Variants in SDE2 observed in about 807,000 individuals in gnomAD.
SDE2 encodes the protein splicing regulator SDE2.
Under a neutral mutation model 46.9 loss-of-function variants are expected in SDE2, and 31 were observed. The observed-to-expected ratio is 0.66, with a 90% confidence interval of 0.50 to 0.89. The LOEUF (loss-of-function observed/expected upper bound fraction) is 0.89, where lower values mean the gene tolerates loss of function less well. SDE2 is among the 40% of genes least tolerant of loss of function. The pLI, the probability that SDE2 is intolerant of heterozygous loss-of-function variation, is 0.00. For missense variants in SDE2, 542 were observed against 564.4 expected (o/e 0.96, Z 0.40); for synonymous variants, 205 against 204.3 (o/e 1.00, Z -0.03).
At position 225,984,943 on chromosome 1, in the gene SDE2, T is replaced by G. The variant is rs1235496654; in HGVS notation, c.*359A>C. ...TTATCAACACAGCTCCTAAAGACAT[T>G]AAAAGGGTAAGAAGGGACCATTATA... On this transcript the variant is annotated 3_prime_UTR_variant, in exon 7 of 7. Coordinates refer to ENST00000272091, the MANE Select transcript of SDE2 (RefSeq NM_152608.4). 4.8e-6 allele frequency: 1 copy of G among 209,596 alleles called. No homozygotes were observed. Among genetic ancestry groups the G allele is most frequent in the East Asian group, 1.3e-4 (1 of 7,498 alleles). 13.0% of individuals were successfully genotyped at this position (209,596 alleles called of 1,614,324 possible).
At position 225,983,593 on chromosome 1, in the gene SDE2, G is replaced by A. The variant is rs1656203387; in HGVS notation, c.*1709C>T. ...CATGGTCTCACTATACATTGCCCAG[G>A]CTGGTCTCGAAATGATCCTCCCACC... On this transcript the variant is annotated 3_prime_UTR_variant, in exon 7 of 7. Transcript: ENST00000272091. 1 of 152,014 alleles carries A rather than the reference G, an allele frequency of 6.6e-6. No individual in the cohort carries two copies. Among genetic ancestry groups the A allele is most frequent in the Non-Finnish European group, 1.5e-5 (1 of 68,008 alleles). The allele number at this position is 152,014 out of a possible 1,614,324, so 9.4% of individuals were successfully genotyped here.
chr1:225,993,747 C>T (rs1379193352), intron 2 of SDE2, among the ~76,000 whole-genome samples: 1 of 152,108 alleles, frequency 6.6e-6, no homozygotes, highest in Non-Finnish European at 1.5e-5. Context: ...GCTGATATAA[C>T]ATGCTTCATT....
In SDE2 at chr1:225,985,232, C is replaced by G; in HGVS notation, c.*70G>C. 8.3e-7 allele frequency: 1 copy of G among 1,205,288 alleles called. No homozygotes were observed. The highest frequency in any genetic ancestry group is 1.2e-6 in the Non-Finnish European group (1 of 811,982). 74.7% of individuals were successfully genotyped at this position (1,205,288 alleles called of 1,614,324 possible). ...TTTTAATATCAACAGGAATACTGGT[C>G]AAGAGTCCACATTATGCAGGTTGTA... On this transcript the variant is annotated 3_prime_UTR_variant, in exon 7 of 7. Coordinates refer to ENST00000272091, the MANE Select transcript of SDE2 (RefSeq NM_152608.4).
At chr1:225,986,831 T>G (rs1036250037) in intron 6 of SDE2, among the ~76,000 whole-genome samples, 5 of 152,210 alleles carry the variant, frequency 3.3e-5, no homozygotes, top group Non-Finnish European at 7.3e-5. Flanking sequence ...AAAGGGCAAT[T>G]TATGCATTTT....
chr1:225,983,778 C>T lies in SDE2; in HGVS notation c.*1524G>A, dbSNP rs1354046489. On this transcript the variant is annotated 3_prime_UTR_variant, in exon 7 of 7. Transcript: ENST00000272091. ...CAACATATTGGGTCATAAAACGAGT[C>T]TCAATAAAACTAAGAGGATTGAAAT... The T allele has an allele frequency of 2.0e-5, 3 of 152,008 alleles. No homozygotes were observed. Among genetic ancestry groups the T allele is most frequent in the Admixed American group, 2.0e-4 (3 of 15,242 alleles). The allele number at this position is 152,008 out of a possible 1,614,324, so 9.4% of individuals were successfully genotyped here. A position where few individuals can be genotyped will look rare whatever the true frequency, so the allele number is the denominator to read the frequency against.
At position 225,983,963 on chromosome 1, in the gene SDE2, G is replaced by A. The variant is rs2102699815; in HGVS notation, c.*1339C>T. On this transcript the variant is annotated 3_prime_UTR_variant, in exon 7 of 7. Coordinates refer to ENST00000272091, the MANE Select transcript of SDE2 (RefSeq NM_152608.4). ...GAGGGAGGAAATTAGAAAATAATCA[G>A]AGGCTGGGCATGGTGGCTCACACCT... The A allele has an allele frequency of 6.6e-6, 1 of 152,262 alleles. No homozygotes were observed. The highest frequency in any genetic ancestry group is 1.9e-4 in the East Asian group (1 of 5,158). The allele number at this position is 152,262 out of a possible 1,614,324, so 9.4% of individuals were successfully genotyped here. A position where few individuals can be genotyped will look rare whatever the true frequency, so the allele number is the denominator to read the frequency against.
rs1348818338 is a variant in SDE2, at chr1:225,992,889, AC to A, written c.350+1del. On this transcript the variant is annotated splice_donor_variant, in intron 3 of 6. Transcript: ENST00000272091. LOFTEE classifies it high-confidence loss of function. The stretch of plus-strand genomic sequence containing the variant: ...AAACACAAAAAAAGGTGGGCATCTT[AC>A]GCTTTTTCATGATTGACATCGCGTA... The A allele has an allele frequency of 1.3e-6, 2 of 1,577,886 alleles. No individual in the cohort carries two copies. Among genetic ancestry groups the A allele is most frequent in the African/African-American group, 2.7e-5 (2 of 74,178 alleles).
chr1:225,993,110 TCTTTC>T, intron 2 of SDE2, 108 bp from the exon 3 acceptor site: 1 of 242,444 alleles, frequency 4.1e-6, no homozygotes, highest in South Asian at 5.7e-5. Context: ...ATCTCTACTT[TCTTTC>T]TTTTTTTTTT....
Position 225,984,688 on chromosome 1 carries a change from T to C in SDE2, c.*614A>G, listed in dbSNP as rs150033284. 4.3e-3 allele frequency: 661 copies of C among 152,364 alleles called. 20 individuals carry two copies. The East Asian group carries it at 0.064, about 15-fold the overall frequency. The allele number at this position is 152,364 out of a possible 1,614,324, so 9.4% of individuals were successfully genotyped here. On this transcript the variant is annotated 3_prime_UTR_variant, in exon 7 of 7. Coordinates refer to ENST00000272091, the MANE Select transcript of SDE2 (RefSeq NM_152608.4). ...AGCCGGGCGTGGTGGTGGGAGCCTG[T>C]AGTCCCAGCTACTGGGGAGGCTGAG... is the stretch of plus-strand genomic sequence containing the variant.
At position 225,982,833 on chromosome 1, in the gene SDE2, C is replaced by G. The variant is rs547664704; in HGVS notation, c.*2469G>C. 3 of 152,042 alleles carry G rather than the reference C, an allele frequency of 2.0e-5. No individual in the cohort carries two copies. In the South Asian group the frequency reaches 6.2e-4, roughly 32 times the overall value. The allele number at this position is 152,042 out of a possible 1,614,324, so 9.4% of individuals were successfully genotyped here. ...AAATATGTAGATTTAATATGTATGA[C>G]AACTACAGCATAAAAGACAGGTATG... On this transcript the variant is annotated 3_prime_UTR_variant, in exon 7 of 7. Coordinates refer to ENST00000272091, the MANE Select transcript of SDE2 (RefSeq NM_152608.4).
At chr1:225,997,068 A>T (rs190184004) in intron 1 of SDE2, among the ~76,000 whole-genome samples, 1 of 152,242 alleles carries the variant, frequency 6.6e-6, no homozygotes, top group African/African-American at 2.4e-5. Context: ...TGAATAAGAA[A>T]GCAGCAGACC....
chr1:225,998,578 G>A (rs536882024), intron 1 of SDE2, among the ~76,000 whole-genome samples: 1 of 152,330 alleles, frequency 6.6e-6, no homozygotes, highest in African/African-American at 2.4e-5. Flanking sequence ...GTGTAACTCT[G>A]GAAGTCCCTG....
At chr1:225,992,158 C>A (rs940019853) in intron 4 of SDE2, among the ~76,000 whole-genome samples, 1 of 151,738 alleles carries the variant, frequency 6.6e-6, no homozygotes, top group African/African-American at 2.4e-5. Context: ...CAGCTCTGGG[C>A]AACAGACCAA....
At chr1:225,986,335 TAA>T (rs937266609) in intron 6 of SDE2, among the ~76,000 whole-genome samples, 60 of 136,226 alleles carry the variant, frequency 4.4e-4, no homozygotes, top group Admixed American at 4.5e-4. Context: ...ACTCTGTCAT[TAA>T]AAAAAAAAAA....
Position 225,987,975 on chromosome 1 carries a change from T to C in SDE2, c.1055A>G (p.Glu352Gly), listed in dbSNP as rs1047570445. The change falls in exon 6 of 7, where the codon GAA becomes GGA. Residue 352 changes from glutamate to glycine, a missense_variant. Glu to Gly is a moderately conservative substitution (Grantham distance 98). Transcript: ENST00000272091. The part of the protein sequence containing the change: ...DKETEERTDG[E>G]RVAEVAPEER... ...TTCAGGTGCTACCTCAGCAACTCTT[T>C]CCCCATCAGTCCTTTCTTCTGTCTC... 2.5e-6 allele frequency: 4 copies of C among 1,614,050 alleles called. No homozygotes were observed. The African/African-American group carries it at 4.0e-5, about 16-fold the overall frequency.
At position 225,988,161 on chromosome 1, in the gene SDE2, C is replaced by T; in HGVS notation, c.869G>A (p.Gly290Glu). The T allele has an allele frequency of 5.0e-6, 8 of 1,614,150 alleles. No homozygotes were observed. Among genetic ancestry groups the T allele is most frequent in the Non-Finnish European group, 6.8e-6 (8 of 1,180,030 alleles). Reference sequence around the variant, plus strand: ...ACATGAGTCTTCTAAAATATGCCTCCCAGAGTCAGTCACCGGGATCTGCAG... The same window carrying T: ...ACATGAGTCTTCTAAAATATGCCTCTCAGAGTCAGTCACCGGGATCTGCAG... ...EQLQIPVTDS[G>E]RHILEDSCAE... The change falls in exon 6 of 7, where the codon GGG (glycine) becomes GAG (glutamate). Residue 290 changes from glycine to glutamate, a missense_variant. Gly to Glu is a moderately conservative substitution (Grantham distance 98). Coordinates refer to ENST00000272091, the MANE Select transcript of SDE2 (RefSeq NM_152608.4).
rs1656192140 is a variant in SDE2, at chr1:225,983,224, T to C, written c.*2078A>G. The C allele has an allele frequency of 6.6e-6, 1 of 152,220 alleles. No individual in the cohort carries two copies. The highest frequency in any genetic ancestry group is 2.4e-5 in the African/African-American group (1 of 41,466). 9.4% of individuals were successfully genotyped at this position (152,220 alleles called of 1,614,324 possible). A position where few individuals can be genotyped will look rare whatever the true frequency, so the allele number is the denominator to read the frequency against. Reference sequence around the variant, plus strand: ...AGAAAGAGGTATACTGTGCAAACACTAAGCTTAAGAAGGCTGCAGTGGCTA... The same window carrying C: ...AGAAAGAGGTATACTGTGCAAACACCAAGCTTAAGAAGGCTGCAGTGGCTA... On this transcript the variant is annotated 3_prime_UTR_variant, in exon 7 of 7. Coordinates refer to ENST00000272091, the MANE Select transcript of SDE2 (RefSeq NM_152608.4).
intron 2 of SDE2, among the ~76,000 whole-genome samples, chr1:225,994,748 T>A (rs1656483234): frequency 6.6e-6 from 1 of 152,166 alleles, no homozygotes; most frequent in Non-Finnish European, 1.5e-5. Context: ...CATCTAATTT[T>A]CCCCCAAAGT....
In SDE2 at chr1:225,999,280, G is replaced by A. The variant is rs1656601475; in HGVS notation, c.33C>T (p.Arg11=). The change falls in exon 1 of 7, where the codon CGC becomes CGT. Residue 11 remains arginine (R), a synonymous_variant. Coordinates refer to ENST00000272091, the MANE Select transcript of SDE2 (RefSeq NM_152608.4). MAEAAALVWI[R]GPGFGCKAVR... ...CCGCCTTGCACCCGAAGCCAGGGCC[G>A]CGAATCCACACCAGCGCCGCGGCCT... 3 of 1,612,052 alleles carry A rather than the reference G, an allele frequency of 1.9e-6. No individual in the cohort carries two copies. The highest frequency in any genetic ancestry group is 3.3e-5 in the Admixed American group (2 of 59,798).
Sources: gnomAD v4.1 joint callset for allele counts (sites outside exome capture counted in the v4.1 genomes callset) on GRCh38, gnomAD v4.1.1 for gene constraint, MANE v1.5 for transcripts, NCBI Gene and HGNC (gene_info 2026-07-23, HGNC 2026-07-21) for gene names.